SGCD: variants seen among roughly 807,000 people sequenced by gnomAD.
SGCD encodes sarcoglycan delta, also known as delta-sarcoglycan.
A neutral mutation model predicts 36.6 loss-of-function variants in SGCD; 18 were observed. The ratio of observed to expected loss-of-function variants is 0.49; its 90% CI spans 0.34 to 0.73. SGCD has a LOEUF of 0.73. SGCD is among the 30% of genes least tolerant of loss of function. The pLI is 0.01. For missense variants in SGCD, 387 were observed against 346.7 expected (o/e 1.12, Z -0.92); for synonymous variants, 133 against 130.6 (o/e 1.02, Z -0.12).
At chr5:156,089,973 A>G (rs1221292359) in intron 1 of SGCD, among the ~76,000 whole-genome samples, 7 of 152,050 alleles carry the variant, frequency 4.6e-5, no homozygotes, top group East Asian at 3.9e-4. Context: ...GGCACTTTTC[A>G]TCTTTCTCAG....
chr5:156,717,684 C>A (rs1356839765), intron 7 of SGCD, among the ~76,000 whole-genome samples: 1 of 152,194 alleles, frequency 6.6e-6, no homozygotes, highest in Non-Finnish European at 1.5e-5. Flanking sequence ...CTCTCACTTT[C>A]TGGACCACTG....
At chr5:155,789,309 GTTA>G in the SGCD span, among the ~76,000 whole-genome samples, 1 of 152,152 alleles carries the variant, frequency 6.6e-6, no homozygotes, top group South Asian at 2.1e-4. Flanking sequence ...ATTAAAAAGT[GTTA>G]TTAACTGTTT....
At chr5:156,474,786 T>A (rs1158425740) in intron 3 of SGCD, among the ~76,000 whole-genome samples, 1 of 152,288 alleles carries the variant, frequency 6.6e-6, no homozygotes, top group South Asian at 2.1e-4. Context: ...AGAGTTAGTT[T>A]GGCCTATTTT....
chr5:156,243,237 G>A (rs1009844159), intron 3 of SGCD, among the ~76,000 whole-genome samples: 5 of 152,236 alleles, frequency 3.3e-5, no homozygotes, highest in Non-Finnish European at 7.3e-5. Flanking sequence ...GTGAAGGAGG[G>A]CTTCCACATG....
intron 3 of SGCD, among the ~76,000 whole-genome samples, chr5:156,347,089 G>A (rs1219387882): frequency 6.6e-6 from 1 of 152,130 alleles, no homozygotes; most frequent in African/African-American, 2.4e-5. Context: ...GAGCCACCGT[G>A]CCTGGCCTGG....
chr5:156,362,423 G>A (rs920193349), intron 3 of SGCD, among the ~76,000 whole-genome samples: 2 of 152,186 alleles, frequency 1.3e-5, no homozygotes, highest in Admixed American at 6.5e-5. Flanking sequence ...CCAGGCGGGC[G>A]GATCATGAGG....
chr5:156,506,809 G>A (rs920652345), intron 3 of SGCD, among the ~76,000 whole-genome samples: 2 of 152,130 alleles, frequency 1.3e-5, no homozygotes, highest in African/African-American at 4.8e-5. Flanking sequence ...CAATAAAGGA[G>A]GGAAAATCCA....
At chr5:156,019,021 G>A (rs537891443) in intron 1 of SGCD, among the ~76,000 whole-genome samples, 14 of 152,246 alleles carry the variant, frequency 9.2e-5, no homozygotes, top group East Asian at 3.9e-4. Flanking sequence ...ATAGAGAGAC[G>A]TTAAATTTGT....
At chr5:156,380,958 C>T (rs12521900) in intron 3 of SGCD, among the ~76,000 whole-genome samples, 5,166 of 152,228 alleles carry the variant, frequency 0.034, 232 homozygotes, top group African/African-American at 0.096. Context: ...TTTGAGACAC[C>T]GTTTCAGTAA....
chr5:156,539,243 C>T (rs976380969), intron 4 of SGCD, among the ~76,000 whole-genome samples: 3 of 151,852 alleles, frequency 2.0e-5, no homozygotes, highest in African/African-American at 7.3e-5. Flanking sequence ...CACATACACA[C>T]AAAATTTTAT....
chr5:155,900,471 T>A (rs1756364100), intron 1 of SGCD, among the ~76,000 whole-genome samples: 1 of 151,998 alleles, frequency 6.6e-6, no homozygotes, highest in South Asian at 2.1e-4. Context: ...ATGTGCACAA[T>A]ATGCAGGTTA....
At chr5:155,990,178 A>G (rs76260651) in intron 1 of SGCD, among the ~76,000 whole-genome samples, 3,313 of 152,226 alleles carry the variant, frequency 0.022, 129 homozygotes, top group African/African-American at 0.074. Context: ...GAGAGGATTC[A>G]CTGTTTTTTA....
chr5:156,611,065 A>G (rs766454368), intron 6 of SGCD, among the ~76,000 whole-genome samples: 1 of 152,202 alleles, frequency 6.6e-6, no homozygotes, highest in Non-Finnish European at 1.5e-5. Context: ...CCAGTGTCCA[A>G]CAGTCCCCAG....
At chr5:156,252,962 C>T (rs941698386) in intron 3 of SGCD, among the ~76,000 whole-genome samples, 1 of 152,194 alleles carries the variant, frequency 6.6e-6, no homozygotes, top group Admixed American at 6.5e-5. Context: ...CTAATACCTA[C>T]TCTTAGAATA....
intron 1 of SGCD, among the ~76,000 whole-genome samples, chr5:156,049,030 G>A (rs1236887294): frequency 6.8e-6 from 1 of 146,668 alleles, no homozygotes; most frequent in Non-Finnish European, 1.5e-5. Context: ...TCCAGTTTCA[G>A]CTTTCTACAT....
Position 156,508,620 on chromosome 5 carries a change from G to C in SGCD, c.212G>C (p.Arg71Thr), listed in dbSNP as rs776240936. Residue 71 changes from arginine (R) to threonine (T), a missense_variant, in exon 4 of 9, where the codon AGG becomes ACG. Coordinates refer to ENST00000337851, the MANE Select transcript of SGCD (RefSeq NM_000337.6). The stretch of plus-strand genomic sequence containing the variant: ...TTTCAGGATGGAATGGGAAACCTGA[G>C]GATCACAGAAAAAGGTCTAAAGCTA... ...NFTIDGMGNL[R>T]ITEKGLKLEG... is the part of the protein sequence containing the mutation. 8.1e-6 allele frequency: 13 copies of C among 1,609,238 alleles called. No individual in the cohort carries two copies.
chr5:156,602,845 A>T (rs1761256314), intron 6 of SGCD, among the ~76,000 whole-genome samples: 1 of 152,086 alleles, frequency 6.6e-6, no homozygotes, highest in Non-Finnish European at 1.5e-5. Flanking sequence ...CAGTCAGTTA[A>T]TATTTTGTTG....
chr5:156,587,212 CAA>C (rs1386530895), intron 4 of SGCD, among the ~76,000 whole-genome samples: 2 of 152,110 alleles, frequency 1.3e-5, no homozygotes, highest in African/African-American at 4.8e-5. Flanking sequence ...GAAAATAAGC[CAA>C]GTTTTCCTCT....
At chr5:156,299,500 T>C (rs1766993553) in intron 3 of SGCD, among the ~76,000 whole-genome samples, 1 of 152,170 alleles carries the variant, frequency 6.6e-6, no homozygotes, top group Admixed American at 6.5e-5. Context: ...AGGAATTGCA[T>C]TGAATGTCTA....
Sources: gnomAD v4.1 joint callset for allele counts (sites outside exome capture counted in the v4.1 genomes callset) on GRCh38, gnomAD v4.1.1 for gene constraint, MANE v1.5 for transcripts, NCBI Gene and HGNC (gene_info 2026-07-23, HGNC 2026-07-21) for gene names.